Variants in PTCH2 observed in about 807,000 individuals in gnomAD.
PTCH2 encodes the protein patched 2.
Under a neutral mutation model 117.9 loss-of-function variants are expected in PTCH2, and 96 were observed. That is an observed-to-expected ratio of 0.81 (90% CI 0.69 to 0.96). The LOEUF is 0.96. Ranked by LOEUF, PTCH2 falls within the 50% of genes least tolerant of loss-of-function variation. The pLI is 0.00. For missense variants in PTCH2, 1,379 were observed against 1,562.5 expected, an observed-to-expected ratio of 0.88 and a Z score of 1.98; for synonymous variants, 615 against 660.9, an observed-to-expected ratio of 0.93 and a Z score of 1.06.
chr1:44,831,635 C>T lies in PTCH2; in HGVS notation c.617+71G>A, dbSNP rs780665341. 2.8e-6 allele frequency: 4 copies of T among 1,430,390 alleles called. No individual in the cohort carries two copies. The highest frequency in any genetic ancestry group is 2.5e-5 in the East Asian group (1 of 40,326). 88.6% of individuals were successfully genotyped at this position (1,430,390 alleles called of 1,614,324 possible). On this transcript the variant is annotated intron_variant, in intron 5 of 21. Coordinates refer to ENST00000372192, the MANE Select transcript of PTCH2 (RefSeq NM_003738.5). This position sits in a 1 kb window ranked among gnomAD's most constrained non-coding sequence, Gnocchi z 4.3. ...GGTAAGGTTTTGATCATCCTCATTC[C>T]CCAGACCCCTCCTTTCTGCTGGGAG...
chr1:44,832,097 A>G, intron 3 of PTCH2, 53 bp from the exon 4 acceptor site: 1 of 1,611,638 alleles, frequency 6.2e-7, no homozygotes, highest in Non-Finnish European at 8.5e-7. Context: ...TTCCCACTCC[A>G]GAACCCCCAC....
In PTCH2 at chr1:44,823,108, C is replaced by T. The variant is rs2148871679; in HGVS notation, c.3318G>A (p.Leu1106=). Residue 1106 remains leucine, a synonymous_variant, in exon 21 of 22, where the codon CTG becomes CTA. Coordinates refer to ENST00000372192, the MANE Select transcript of PTCH2 (RefSeq NM_003738.5). This position sits in a 1 kb window ranked among gnomAD's most constrained non-coding sequence, Gnocchi z 5.1. The part of the protein sequence containing the change: ...TLLGLLHGLV[L]LPVLLSILGP... ...CCAGGATGGACAGCAGCACAGGCAGCAGCACGAGTCCATGGAGGAGGCCCA... is the reference window on the plus strand; with the variant it reads ...CCAGGATGGACAGCAGCACAGGCAGTAGCACGAGTCCATGGAGGAGGCCCA... 1 of 1,613,886 alleles carries T rather than the reference C, an allele frequency of 6.2e-7. No individual in the cohort carries two copies. Among genetic ancestry groups the T allele is most frequent in the Non-Finnish European group, 8.5e-7 (1 of 1,179,966 alleles).
rs1557645655 is a variant in PTCH2 at position 44,829,230 on chromosome 1, A to C, written c.1298T>G (p.Val433Gly). 2 of 1,613,538 alleles carry C rather than the reference A, an allele frequency of 1.2e-6. No homozygotes were observed. The highest frequency in any genetic ancestry group is 1.7e-6 in the Non-Finnish European group (2 of 1,180,002). ...GSVGLAGVLL[V>G]ALAVASGLGL... Reference sequence around the variant, plus strand: ...AAGGCCTGAGGCCACCGCCAGGGCCACCAGCAGTACCCCGGCAAGGCCCAC... The same window carrying C: ...AAGGCCTGAGGCCACCGCCAGGGCCCCCAGCAGTACCCCGGCAAGGCCCAC... The change falls in exon 10 of 22, where the codon GTG (valine) becomes GGG (glycine). Residue 433 changes from valine to glycine, a missense_variant. Coordinates refer to ENST00000372192, the MANE Select transcript of PTCH2 (RefSeq NM_003738.5).
rs375613119 is a variant in PTCH2, at chr1:44,831,081, G to A, written c.618-38C>T. Reference sequence around the variant, plus strand: ...CCTATAGTTGGTGAGGGTCAGGGACGAAAACCCAGGCTCCAAACTGCTGCT... The same window carrying A: ...CCTATAGTTGGTGAGGGTCAGGGACAAAAACCCAGGCTCCAAACTGCTGCT... On this transcript the variant is annotated intron_variant, in intron 5 of 21. Coordinates refer to ENST00000372192, the MANE Select transcript of PTCH2 (RefSeq NM_003738.5). The surrounding 1 kb of genome is among the most constrained non-coding windows in gnomAD (Gnocchi z 4.3). 3 of 1,583,766 alleles carry A rather than the reference G, an allele frequency of 1.9e-6. No homozygotes were observed. Among genetic ancestry groups the A allele is most frequent in the East Asian group, 2.3e-5 (1 of 44,112 alleles).
Position 44,823,936 on chromosome 1 carries a change from TCAAACAAA to T in PTCH2, c.3115-559_3115-552del, listed in dbSNP as rs35297741. On this transcript the variant is annotated intron_variant, in intron 19 of 21. Transcript: ENST00000372192. The surrounding 1 kb of genome is among the most constrained non-coding windows in gnomAD (Gnocchi z 5.1). ...CTGGGCGACAGAGTGAGACCCTGTT[TCAAACAAA>T]CAAACAAACAAACAAACAAACATAG... Among the ~76,000 whole-genome samples the T allele has an allele frequency of 5.8e-3, 875 of 151,344 alleles. 3 individuals are homozygous for T. The highest frequency in any genetic ancestry group is 0.016 in the African/African-American group (647 of 41,022).
downstream of PTCH2, chr1:44,820,045 A>C (rs113960979): frequency 1.6e-5 from 3 of 187,744 alleles, no homozygotes; most frequent in South Asian, 7.3e-5. Context: ...AACACTTAAC[A>C]CACTTATGGT....
chr1:44,840,912 A>C (rs1461170573), intron 2 of PTCH2, among the ~76,000 whole-genome samples: 1 of 151,146 alleles, frequency 6.6e-6, no homozygotes, highest in East Asian at 2.0e-4. Context: ...AACAAAACAA[A>C]AATTAGCTGG....
In PTCH2 at chr1:44,827,659, G is replaced by A. The variant is rs747529149; in HGVS notation, c.2114C>T (p.Thr705Ile). The change falls in exon 15 of 22, where the codon ACC (threonine) becomes ATC (isoleucine). Residue 705 changes from threonine to isoleucine, a missense_variant. Physicochemically the swap from Thr to Ile is moderately conservative, Grantham distance 89. Coordinates refer to ENST00000372192, the MANE Select transcript of PTCH2 (RefSeq NM_003738.5). ...CAGGGCCAGGCCGTCTTGCACCAAG[G>A]TGGCTCCGTAGAGGCTCAGGCCCAG... The part of the protein sequence containing the change: ...ALLGLSLYGA[T>I]LVQDGLALTD... 1 of 1,613,064 alleles carries A rather than the reference G, an allele frequency of 6.2e-7. No individual in the cohort carries two copies. Among genetic ancestry groups the A allele is most frequent in the East Asian group, 2.2e-5 (1 of 44,874 alleles).
intron 6 of PTCH2, among the ~76,000 whole-genome samples, chr1:44,830,587 CAAA>C (rs768951349): frequency 1.5e-5 from 1 of 65,174 alleles, no homozygotes. Context: ...GAGTGAGACT[CAAA>C]AAAAAAAAAA....
intron 2 of PTCH2, among the ~76,000 whole-genome samples, chr1:44,836,293 C>T (rs1260882754): frequency 8.5e-5 from 13 of 152,208 alleles, no homozygotes; most frequent in Non-Finnish European, 1.6e-4. Flanking sequence ...TGGGAGGCTA[C>T]TAATACATTT....
chr1:44,833,115 C>T (rs867018338), intron 2 of PTCH2, among the ~76,000 whole-genome samples: 7 of 152,266 alleles, frequency 4.6e-5, no homozygotes, highest in South Asian at 4.1e-4. Flanking sequence ...GGATTCCCGG[C>T]GCCAGGCCTG....
Position 44,827,535 on chromosome 1 carries a change from G to A in PTCH2, c.2238C>T (p.Gly746=). The A allele has an allele frequency of 3.1e-6, 5 of 1,614,110 alleles. No homozygotes were observed. Among genetic ancestry groups the A allele is most frequent in the Non-Finnish European group, 4.2e-6 (5 of 1,180,012 alleles). The change falls in exon 15 of 22, where the codon GGC becomes GGT. Residue 746 remains glycine, a synonymous_variant. Coordinates refer to ENST00000372192, the MANE Select transcript of PTCH2 (RefSeq NM_003738.5). The stretch of plus-strand genomic sequence containing the variant: ...CGCGTTGGGAGTGGGCGTAGTCAAA[G>A]CCACCCTGGGTCACCAGGGCCACCT... ...LYEVALVTQG[G]FDYAHSQRAL...
chr1:44,828,029 C>T lies in PTCH2; in HGVS notation c.1872G>A (p.Val624=), dbSNP rs2148875903. 1 of 1,614,190 alleles carries T rather than the reference C, an allele frequency of 6.2e-7. No individual in the cohort carries two copies. The highest frequency in any genetic ancestry group is 8.5e-7 in the Non-Finnish European group (1 of 1,180,028). The change falls in exon 14 of 22, where the codon GTG becomes GTA. Residue 624 remains valine, a synonymous_variant. Transcript: ENST00000372192. The part of the protein sequence containing the change: ...VTILPPQAHL[V]PPPSDPLGSE... Reference sequence around the variant, plus strand: ...AGCCCAGTGGGTCAGAAGGTGGGGGCACCAGGTGGGCTTGGGGAGGCAGGA... The same window carrying T: ...AGCCCAGTGGGTCAGAAGGTGGGGGTACCAGGTGGGCTTGGGGAGGCAGGA...
Position 44,832,806 on chromosome 1 carries a change from C to G in PTCH2, c.266-465G>C, listed in dbSNP as rs560832652. On this transcript the variant is annotated intron_variant, in intron 2 of 21. Transcript: ENST00000372192. ...GTTTCCTAAAAGAACAGGTGTAGGG[C>G]TAGGGCTGGTTCTTAGTTCAGGTTG... Among the ~76,000 whole-genome samples, 3 of 152,258 alleles carry G rather than the reference C, an allele frequency of 2.0e-5. No homozygotes were observed. In the South Asian group the frequency reaches 6.2e-4, roughly 32 times the overall value.
Position 44,831,580 on chromosome 1 carries a change from G to T in PTCH2, c.617+126C>A. 1.0e-6 allele frequency: 1 copy of T among 955,546 alleles called. No individual in the cohort carries two copies. The allele number at this position is 955,546 out of a possible 1,614,324, so 59.2% of individuals were successfully genotyped here. ...AGCCTTGGGGAAGCCCATGCTCTCT[G>T]TTCCTGGCCTGGGAGGTAATTAGGA... On this transcript the variant is annotated intron_variant, in intron 5 of 21. Coordinates refer to ENST00000372192, the MANE Select transcript of PTCH2 (RefSeq NM_003738.5). This position sits in a 1 kb window ranked among gnomAD's most constrained non-coding sequence, Gnocchi z 4.3.
In PTCH2 at chr1:44,829,668, C is replaced by G; in HGVS notation, c.1029G>C (p.Trp343Cys). The change falls in exon 8 of 22, where the codon TGG becomes TGC. Residue 343 changes from tryptophan (W) to cysteine (C), a missense_variant. Transcript: ENST00000372192. ...RGDYQTHDIG[W>C]SEEQASTVLQ... ...GCACTGTGCTGGCCTGCTCCTCACT[C>G]CAGCCAATGTCATGTGTCTGATAGT... 6.2e-7 allele frequency: 1 copy of G among 1,614,214 alleles called. No homozygotes were observed. The highest frequency in any genetic ancestry group is 8.5e-7 in the Non-Finnish European group (1 of 1,180,044).
At chr1:44,838,081 CAAAAA>C (rs1385110706) in intron 2 of PTCH2, among the ~76,000 whole-genome samples, 1 of 84,620 alleles carries the variant, frequency 1.2e-5, no homozygotes. Context: ...GACTCCGTCT[CAAAAA>C]AAAAAAAAAA....
intron 2 of PTCH2, among the ~76,000 whole-genome samples, chr1:44,834,123 T>G (rs1046579080): frequency 2.4e-5 from 2 of 84,112 alleles, no homozygotes; most frequent in African/African-American, 1.2e-4. Flanking sequence ...GTTCCTTCCC[T>G]TTTTTTTTTT....
intron 6 of PTCH2, among the ~76,000 whole-genome samples, chr1:44,830,599 A>AAAAAAAAAAAAAAAAAAAAAAAAAAAAC (rs1653394484): frequency 6.6e-6 from 1 of 150,492 alleles, no homozygotes; most frequent in Non-Finnish European, 1.5e-5. Flanking sequence ...AAAAAAAAAA[A>AAAAAAAAAAAAAAAAAAAAAAAAAAAAC]AAAAAGAAGT....
Sources: allele counts gnomAD v4.1 joint callset (sites outside exome capture counted in the v4.1 genomes callset), GRCh38; gene constraint gnomAD v4.1.1; non-coding constraint Gnocchi (gnomAD v3.1); transcripts MANE v1.5; gene names NCBI Gene and HGNC (gene_info 2026-07-23, HGNC 2026-07-21).